UBTD2: variants seen among roughly 807,000 people sequenced by gnomAD.
UBTD2 encodes ubiquitin domain containing 2.
A neutral mutation model predicts 19.8 loss-of-function variants in UBTD2; 9 were observed. The ratio of observed to expected loss-of-function variants is 0.46; its 90% CI spans 0.27 to 0.79. UBTD2 has a LOEUF of 0.79. Ranked by LOEUF, UBTD2 falls within the 30% of genes least tolerant of loss-of-function variation. The pLI is 0.14. For missense variants in UBTD2, 250 were observed against 300.4 expected (o/e 0.83, Z 1.24); for synonymous variants, 98 against 103.9 (o/e 0.94, Z 0.35).
chr5:172,254,962 C>CA, intron 1 of UBTD2: 1 of 557,064 alleles, frequency 1.8e-6, no homozygotes, highest in Admixed American at 2.2e-5. Context: ...GGAGGTGACT[C>CA]ATGTACATAA....
At position 172,222,138 on chromosome 5, in the gene UBTD2, A is replaced by C. The variant is rs1317894779; in HGVS notation, c.308-9911T>G. On this transcript the variant is annotated intron_variant, in intron 2 of 2. Coordinates refer to ENST00000393792, the MANE Select transcript of UBTD2 (RefSeq NM_152277.3). The stretch of plus-strand genomic sequence containing the variant: ...TATCTGGGATCACAAAATATCAATA[A>C]AAGTAATATTTTACATTGTAGTCCA... Among the ~76,000 whole-genome samples, 6 of 152,352 alleles carry C rather than the reference A, an allele frequency of 3.9e-5. No individual in the cohort carries two copies. The East Asian group carries it at 1.2e-3, about 29-fold the overall frequency.
chr5:172,280,493 G>A (rs965622304), intron 1 of UBTD2, among the ~76,000 whole-genome samples: 4 of 131,812 alleles, frequency 3.0e-5, no homozygotes, highest in Admixed American at 8.8e-5. Context: ...CTGGGCGACA[G>A]AGCAAGACTC....
At chr5:172,220,247 T>C (rs557788706) in intron 2 of UBTD2, among the ~76,000 whole-genome samples, 4 of 152,190 alleles carry the variant, frequency 2.6e-5, no homozygotes, top group Non-Finnish European at 5.9e-5. Context: ...ATCATATCAA[T>C]AGATGCTGAA....
intron 1 of UBTD2, among the ~76,000 whole-genome samples, chr5:172,262,670 C>A (rs1755295036): frequency 6.6e-6 from 1 of 151,548 alleles, no homozygotes; most frequent in African/African-American, 2.4e-5. Flanking sequence ...AAAAAATTAG[C>A]CAGGCGTGGT....
At chr5:172,212,556 A>G (rs547783791) in intron 2 of UBTD2, among the ~76,000 whole-genome samples, 1 of 152,398 alleles carries the variant, frequency 6.6e-6, no homozygotes, top group South Asian at 2.1e-4. Flanking sequence ...AAATTACATT[A>G]GGATATCTTT....
At chr5:172,215,456 T>G (rs926276622) in intron 2 of UBTD2, among the ~76,000 whole-genome samples, 1 of 152,146 alleles carries the variant, frequency 6.6e-6, no homozygotes, top group Non-Finnish European at 1.5e-5. Context: ...CAGTTCATGA[T>G]CCAGAGGCAG....
At chr5:172,225,524 G>C (rs996151575) in intron 2 of UBTD2, among the ~76,000 whole-genome samples, 13 of 152,134 alleles carry the variant, frequency 8.5e-5, no homozygotes, top group Non-Finnish European at 1.9e-4. Flanking sequence ...AGGCCTCACT[G>C]TTTATCCCTC....
intron 2 of UBTD2, among the ~76,000 whole-genome samples, chr5:172,231,619 C>G (rs907015296): frequency 6.6e-6 from 1 of 152,156 alleles, no homozygotes; most frequent in Non-Finnish European, 1.5e-5. Flanking sequence ...CTACAATATA[C>G]AGAATGCAAC....
Position 172,258,305 on chromosome 5 carries a change from G to T in UBTD2, c.71-23947C>A, listed in dbSNP as rs576706163. 3.3e-5 allele frequency among the ~76,000 whole-genome samples: 5 copies of T among 152,254 alleles called. No individual in the cohort carries two copies. In the South Asian group the frequency reaches 1.0e-3, roughly 32 times the overall value. On this transcript the variant is annotated intron_variant, in intron 1 of 2. Transcript: ENST00000393792. ...TTGAAGATCAGATGATTGTAGGTGT[G>T]TGACTTTATTTCTGGGTTATGTAAC...
At chr5:172,237,159 A>G (rs1475139114) in intron 1 of UBTD2, among the ~76,000 whole-genome samples, 1 of 152,086 alleles carries the variant, frequency 6.6e-6, no homozygotes, top group Non-Finnish European at 1.5e-5. Context: ...CACTGGTGCA[A>G]CCCGACTCAC....
At chr5:172,251,860 G>C (rs1270308545) in intron 1 of UBTD2, among the ~76,000 whole-genome samples, 3 of 152,174 alleles carry the variant, frequency 2.0e-5, no homozygotes, top group African/African-American at 7.2e-5. Flanking sequence ...AATACAGATG[G>C]TTCCTGAAGT....
chr5:172,268,237 C>T (rs905065909), intron 1 of UBTD2, among the ~76,000 whole-genome samples: 2 of 151,534 alleles, frequency 1.3e-5, no homozygotes, highest in Non-Finnish European at 2.9e-5. Context: ...GTTCAGAAAA[C>T]GGCAGGATTA....
At chr5:172,218,586 C>T (rs1771589509) in intron 2 of UBTD2, among the ~76,000 whole-genome samples, 1 of 151,704 alleles carries the variant, frequency 6.6e-6, no homozygotes, top group Non-Finnish European at 1.5e-5. Flanking sequence ...AGTTTGCGAC[C>T]AGCCTGGGTA....
intron 2 of UBTD2, among the ~76,000 whole-genome samples, chr5:172,218,809 A>T (rs1771597604): frequency 6.9e-6 from 1 of 144,628 alleles, no homozygotes; most frequent in African/African-American, 2.6e-5. Flanking sequence ...AAAAAAAAAA[A>T]TAAAAAATAA....
intron 1 of UBTD2, among the ~76,000 whole-genome samples, chr5:172,240,154 G>C (rs566941430): frequency 1.3e-5 from 2 of 152,266 alleles, no homozygotes; most frequent in East Asian, 3.9e-4. Context: ...CAGCTCCCTA[G>C]CCCTATCTAA....
At chr5:172,221,405 T>A (rs1771647302) in intron 2 of UBTD2, among the ~76,000 whole-genome samples, 2 of 151,966 alleles carry the variant, frequency 1.3e-5, no homozygotes. Flanking sequence ...CTTGGAAGAC[T>A]GAGGAAGGAC....
chr5:172,211,608 G>C lies in UBTD2; in HGVS notation c.*222C>G, dbSNP rs1033712121. The C allele has an allele frequency of 1.8e-5, 8 of 453,142 alleles. No homozygotes were observed. In the Middle Eastern group the frequency reaches 2.3e-3, roughly 133 times the overall value. The allele number at this position is 453,142 out of a possible 1,614,324, so 28.1% of individuals were successfully genotyped here. On this transcript the variant is annotated 3_prime_UTR_variant, in exon 3 of 3. Transcript: ENST00000393792. ...TATTTCTTAACTGCCTTTCAAATTA[G>C]AAATTGTAATTACATGAGTCTCAAA...
chr5:172,265,010 A>G (rs1755346346), intron 1 of UBTD2, among the ~76,000 whole-genome samples: 1 of 152,256 alleles, frequency 6.6e-6, no homozygotes, highest in Non-Finnish European at 1.5e-5. Flanking sequence ...TTCATTCAAC[A>G]TAAGCACAGA....
intron 2 of UBTD2, 49 bp downstream of exon 2, chr5:172,234,073 A>C: frequency 6.3e-7 from 1 of 1,592,968 alleles, no homozygotes; most frequent in South Asian, 1.1e-5. Context: ...TTGCTATCAG[A>C]AACAAAGTTG....
Sources: gnomAD v4.1 joint callset for allele counts (sites outside exome capture counted in the v4.1 genomes callset) on GRCh38, gnomAD v4.1.1 for gene constraint, MANE v1.5 for transcripts, NCBI Gene and HGNC (gene_info 2026-07-23, HGNC 2026-07-21) for gene names.